HNF4A: variants seen among roughly 807,000 people sequenced by gnomAD.
HNF4A encodes the protein hepatocyte nuclear factor 4-alpha.
Under a neutral mutation model 52.4 loss-of-function variants are expected in HNF4A, and 15 were observed. That is an observed-to-expected ratio of 0.29 (90% CI 0.19 to 0.44). The LOEUF (loss-of-function observed/expected upper bound fraction) is 0.44, where lower values mean the gene tolerates loss of function less well. Ranked by LOEUF, HNF4A falls within the 20% of genes least tolerant of loss-of-function variation. HNF4A has a pLI of 1.00. For synonymous variants in HNF4A, 280 were observed against 264.4 expected (o/e 1.06, Z -0.57); for missense variants, 479 against 647.2 (o/e 0.74, Z 2.82).
rs1392550684 is a variant in HNF4A at position 44,424,247 on chromosome 20, G to T, written c.1122G>T (p.Leu374=). 6.2e-7 allele frequency: 1 copy of T among 1,613,934 alleles called. No individual in the cohort carries two copies. The highest frequency in any genetic ancestry group is 2.2e-5 in the East Asian group (1 of 44,874). ...TTGACAACCTGTTGCAGGAGATGCT[G>T]CTGGGAGGTCCGTGCCAAGCCCAGG... The change falls in exon 8 of 10, where the codon CTG becomes CTT. Residue 374 remains leucine (L), a synonymous_variant. Transcript: ENST00000316099.
chr20:44,390,405 T>C (rs1358466044), intron 1 of HNF4A: 2 of 525,194 alleles, frequency 3.8e-6, no homozygotes, highest in Non-Finnish European at 3.4e-6. Context: ...GTTGGCTCTC[T>C]AGGAGCCCCT....
chr20:44,384,159 CTTTTTTTT>C (rs371586705), intron 1 of HNF4A, among the ~76,000 whole-genome samples: 43,813 of 125,418 alleles, frequency 0.35, 7,514 homozygotes, highest in South Asian at 0.46. Context: ...CCCCTGGCTC[CTTTTTTTT>C]TTTTTTTTTT....
intron 1 of HNF4A, among the ~76,000 whole-genome samples, chr20:44,370,816 C>A (rs1367026656): frequency 6.6e-6 from 1 of 152,158 alleles, no homozygotes; most frequent in African/African-American, 2.4e-5. Context: ...TGGGCCTTGC[C>A]CTGGGTAAAC....
intron 1 of HNF4A, among the ~76,000 whole-genome samples, chr20:44,376,654 A>C (rs1459907673): frequency 6.6e-6 from 1 of 152,102 alleles, no homozygotes; most frequent in Non-Finnish European, 1.5e-5. Flanking sequence ...CACCCTTATC[A>C]GTGGTGATCA....
intron 8 of HNF4A, 68 bp downstream of exon 8, chr20:44,424,322 G>A (rs763471999): frequency 6.3e-6 from 10 of 1,595,374 alleles, no homozygotes; most frequent in Non-Finnish European, 7.7e-6. Flanking sequence ...CTCACACAGT[G>A]AGCTCACCCC....
Position 44,429,931 on chromosome 20 carries a change from C to A in HNF4A, c.*266C>A. The A allele has an allele frequency of 2.0e-6, 1 of 509,926 alleles. No homozygotes were observed. The highest frequency in any genetic ancestry group is 5.3e-4 in the Middle Eastern group (1 of 1,896). 31.6% of individuals were successfully genotyped at this position (509,926 alleles called of 1,614,324 possible). A position where few individuals can be genotyped will look rare whatever the true frequency, so the allele number is the denominator to read the frequency against. ...CTCATGTTGAAGCCACTGCCTTCAC[C>A]TTCACCTTCATCCATGTCCAACCCC... On this transcript the variant is annotated 3_prime_UTR_variant, in exon 10 of 10. Coordinates refer to ENST00000316099, the MANE Select transcript of HNF4A (RefSeq NM_000457.6).
intron 1 of HNF4A, among the ~76,000 whole-genome samples, chr20:44,368,160 A>ATATATATATATTTTT (rs1200638153): frequency 1.1e-4 from 3 of 27,780 alleles, no homozygotes; most frequent in African/African-American, 1.5e-4. Context: ...ATATATATAT[A>ATATATATATATTTTT]TTTTTTTTTT....
chr20:44,379,459 C>T (rs886217350), intron 1 of HNF4A, among the ~76,000 whole-genome samples: 2 of 152,172 alleles, frequency 1.3e-5, no homozygotes, highest in African/African-American at 4.8e-5. Context: ...CACATCTTCA[C>T]CAACACTTAC....
intron 2 of HNF4A, among the ~76,000 whole-genome samples, chr20:44,406,492 A>G (rs555005499): frequency 2.0e-5 from 3 of 152,270 alleles, no homozygotes; most frequent in Non-Finnish European, 4.4e-5. Context: ...CTTTGTGTGT[A>G]TTTACCCATC....
chr20:44,363,706 C>CTTT (rs11480026), intron 1 of HNF4A, among the ~76,000 whole-genome samples: 53 of 107,482 alleles, frequency 4.9e-4, no homozygotes, highest in African/African-American at 7.3e-4. Context: ...TCCATCTACT[C>CTTT]TTTTTTTTTT....
intron 1 of HNF4A, among the ~76,000 whole-genome samples, chr20:44,367,228 G>A (rs73613483): frequency 9.2e-5 from 14 of 151,656 alleles, no homozygotes; most frequent in South Asian, 4.2e-4. Flanking sequence ...CCAGCTACTC[G>A]GGAGGCTGAG....
chr20:44,396,617 G>T (rs969158130), upstream of HNF4A, among the ~76,000 whole-genome samples: 1 of 152,200 alleles, frequency 6.6e-6, no homozygotes, highest in Admixed American at 6.5e-5. Context: ...TCATGGCTGG[G>T]TGTGTGGTAC....
At chr20:44,401,763 C>T (rs1449040232) in intron 1 of HNF4A, among the ~76,000 whole-genome samples, 1 of 152,234 alleles carries the variant, frequency 6.6e-6, no homozygotes, top group Non-Finnish European at 1.5e-5. Flanking sequence ...CACTGCCTCA[C>T]AGTGGCTCTG....
chr20:44,406,297 T>A, intron 2 of HNF4A, 65 bp downstream of exon 2: 1 of 1,473,700 alleles, frequency 6.8e-7, no homozygotes, highest in Non-Finnish European at 9.3e-7. Context: ...CCAAGGTCTG[T>A]CTTCTCCCTG....
chr20:44,408,567 A>G (rs951355173), intron 3 of HNF4A, among the ~76,000 whole-genome samples: 2 of 152,116 alleles, frequency 1.3e-5, no homozygotes, highest in African/African-American at 4.8e-5. Context: ...TCTACTAAAA[A>G]TACAAAAAAA....
chr20:44,367,411 C>G (rs1490567139), intron 1 of HNF4A, among the ~76,000 whole-genome samples: 1 of 150,918 alleles, frequency 6.6e-6, no homozygotes, highest in Non-Finnish European at 1.5e-5. Flanking sequence ...TTTGAGAGGC[C>G]GAGGCAGACA....
At chr20:44,404,914 T>G (rs2063470688) in intron 1 of HNF4A, among the ~76,000 whole-genome samples, 1 of 75,466 alleles carries the variant, frequency 1.3e-5, no homozygotes. Context: ...GTGTGGTGTG[T>G]GTGTGCTTGT....
intron 1 of HNF4A, among the ~76,000 whole-genome samples, chr20:44,356,615 A>G (rs138442211): frequency 2.0e-5 from 3 of 152,296 alleles, no homozygotes; most frequent in East Asian, 3.9e-4. Context: ...TGAAAACGGT[A>G]CACTGAAGAA....
chr20:44,413,453 C>A (rs769293091), intron 3 of HNF4A, among the ~76,000 whole-genome samples: 1 of 152,082 alleles, frequency 6.6e-6, no homozygotes, highest in Non-Finnish European at 1.5e-5. Flanking sequence ...CTGTCTTGCG[C>A]GCCCCTGCTG....
Sources: gnomAD v4.1 joint callset for allele counts (sites outside exome capture counted in the v4.1 genomes callset) on GRCh38, gnomAD v4.1.1 for gene constraint, MANE v1.5 for transcripts, NCBI Gene and HGNC (gene_info 2026-07-23, HGNC 2026-07-21) for gene names.